CASK: variants seen among roughly 807,000 people sequenced by gnomAD.
The protein encoded by CASK is peripheral plasma membrane protein CASK.
CASK carries 4 observed loss-of-function variants against 82.9 expected under a neutral mutation model. The observed-to-expected ratio is 0.05, with a 90% confidence interval of 0.02 to 0.11. The LOEUF (loss-of-function observed/expected upper bound fraction) is 0.11, where lower values mean the gene tolerates loss of function less well. CASK is among the 10% of genes least tolerant of loss of function. The pLI is 1.00. For synonymous variants in CASK, 259 were observed against 253.5 expected (o/e 1.02, Z -0.20); for missense variants, 358 against 720.9 (o/e 0.50, Z 5.76).
chrX:41,696,207 T>C (rs1448647432), intron 5 of CASK: 2 of 1,205,741 alleles, frequency 1.7e-6, no homozygotes, highest in Non-Finnish European at 2.2e-6. Flanking sequence ...TATGATTATT[T>C]TAACACTTAA....
intron 5 of CASK, among the ~76,000 whole-genome samples, chrX:41,703,410 T>C (rs1406687186): frequency 8.9e-6 from 1 of 112,599 alleles, no homozygotes; most frequent in Non-Finnish European, 1.9e-5. Flanking sequence ...ACAACATACA[T>C]ATGCATAACA....
At chrX:41,873,469 G>A (rs1291864559) in intron 1 of CASK, among the ~76,000 whole-genome samples, 1 of 111,463 alleles carries the variant, frequency 9.0e-6, no homozygotes, top group Admixed American at 9.5e-5. Context: ...ATTCATTGCA[G>A]GGCTGTAGGT....
intron 2 of CASK, among the ~76,000 whole-genome samples, chrX:41,791,040 A>G (rs2069701817): frequency 1.8e-5 from 2 of 111,675 alleles, no homozygotes; most frequent in African/African-American, 3.3e-5. Flanking sequence ...GTACCTGGGA[A>G]TGACATGACC....
intron 11 of CASK, among the ~76,000 whole-genome samples, chrX:41,610,816 A>G (rs1278801545): frequency 9.0e-6 from 1 of 111,626 alleles, no homozygotes; most frequent in African/African-American, 3.3e-5. Flanking sequence ...TAACAAAGCC[A>G]TTTACACAGC....
chrX:41,564,717 C>G (rs1392331278), intron 16 of CASK, among the ~76,000 whole-genome samples: 1 of 111,890 alleles, frequency 8.9e-6, no homozygotes, highest in Non-Finnish European at 1.9e-5. Flanking sequence ...CTGAACTCAG[C>G]TCTGCAACAA....
intron 21 of CASK, among the ~76,000 whole-genome samples, chrX:41,550,527 T>C (rs2065081706): frequency 9.0e-6 from 1 of 111,314 alleles, no homozygotes; most frequent in African/African-American, 3.3e-5. Flanking sequence ...GTTCCTCTGG[T>C]TCTTTTTAAA....
At chrX:41,528,831 T>C (rs893255311) in intron 25 of CASK, among the ~76,000 whole-genome samples, 3 of 111,832 alleles carry the variant, frequency 2.7e-5, no homozygotes, top group African/African-American at 6.5e-5. Context: ...GAAGGCAGGA[T>C]GAAGGCCTTG....
chrX:41,781,079 T>A, intron 3 of CASK, among the ~76,000 whole-genome samples: 1 of 111,737 alleles, frequency 8.9e-6, no homozygotes, highest in Non-Finnish European at 1.9e-5. Context: ...TAGCTGGGAC[T>A]ACAGGTGTGT....
Position 41,852,682 on chromosome X carries a change from T to G in CASK, c.172+433A>C, listed in dbSNP as rs775072661. Among the ~76,000 whole-genome samples, 4 of 111,412 alleles carry G rather than the reference T, an allele frequency of 3.6e-5. No homozygotes were observed. In the East Asian group the frequency reaches 1.1e-3, roughly 31 times the overall value. ...TTAAGCCAAATGTGAGATATGAATCTTTTGATTCCACTAAATCATAATCCT... is the reference window on the plus strand; with the variant it reads ...TTAAGCCAAATGTGAGATATGAATCGTTTGATTCCACTAAATCATAATCCT... On this transcript the variant is annotated intron_variant, in intron 2 of 26. Coordinates refer to ENST00000378163, the MANE Select transcript of CASK (RefSeq NM_001367721.1).
chrX:41,649,688 T>C (rs2066829216), intron 8 of CASK, among the ~76,000 whole-genome samples: 1 of 111,894 alleles, frequency 8.9e-6, no homozygotes, highest in Admixed American at 9.5e-5. Context: ...TGGTCAATTT[T>C]GGAATGTGCA....
At chrX:41,843,649 A>C (rs2071092070) in intron 2 of CASK, among the ~76,000 whole-genome samples, 1 of 111,490 alleles carries the variant, frequency 9.0e-6, no homozygotes, top group Non-Finnish European at 1.9e-5. Context: ...ACATTTAATC[A>C]CTTCGAAAAG....
At chrX:41,861,875 AG>A (rs2071492173) in intron 1 of CASK, among the ~76,000 whole-genome samples, 1 of 102,598 alleles carries the variant, frequency 9.7e-6, no homozygotes, top group African/African-American at 3.5e-5. Flanking sequence ...ATATACATAC[AG>A]TATATATAGT....
chrX:41,883,059 T>C (rs2071981098), intron 1 of CASK, among the ~76,000 whole-genome samples: 1 of 112,027 alleles, frequency 8.9e-6, no homozygotes, highest in South Asian at 3.7e-4. Context: ...CAATTCACAG[T>C]GACTCTTAAA....
chrX:41,790,016 A>T (rs2069683047), intron 2 of CASK, among the ~76,000 whole-genome samples: 1 of 110,923 alleles, frequency 9.0e-6, no homozygotes, highest in African/African-American at 3.3e-5. Context: ...TGTAGCCTCC[A>T]CCTCCCAGGT....
chrX:41,857,454 A>T (rs2071393065), intron 1 of CASK, among the ~76,000 whole-genome samples: 1 of 111,761 alleles, frequency 8.9e-6, no homozygotes, highest in Admixed American at 9.5e-5. Context: ...TTTGGAAGAT[A>T]GAACCAAAAA....
chrX:41,707,888 G>A (rs1178510043), intron 5 of CASK, among the ~76,000 whole-genome samples: 2 of 111,603 alleles, frequency 1.8e-5, no homozygotes, highest in African/African-American at 6.5e-5. Flanking sequence ...GGGAGGCTGA[G>A]GTTGGTGGAT....
chrX:41,646,619 C>T (rs1363834913), intron 8 of CASK, among the ~76,000 whole-genome samples: 1 of 111,512 alleles, frequency 9.0e-6, no homozygotes, highest in African/African-American at 3.3e-5. Context: ...AAAACTATTT[C>T]GACTGTTGTT....
At chrX:41,557,154 G>T (rs2065169197) in intron 18 of CASK, 54 bp from the exon 19 acceptor site, 3 of 940,885 alleles carry the variant, frequency 3.2e-6, no homozygotes, top group Non-Finnish European at 4.6e-6. Context: ...GAAACACAGA[G>T]ATATTTACAT....
At chrX:41,852,135 A>G (rs1302593997) in intron 2 of CASK, among the ~76,000 whole-genome samples, 1 of 111,555 alleles carries the variant, frequency 9.0e-6, no homozygotes, top group Non-Finnish European at 1.9e-5. Flanking sequence ...GCAACTTCTA[A>G]GAATCTTCCA....
Sources: gnomAD v4.1 joint callset for allele counts (sites outside exome capture counted in the v4.1 genomes callset) on GRCh38, gnomAD v4.1.1 for gene constraint, MANE v1.5 for transcripts, NCBI Gene and HGNC (gene_info 2026-07-23, HGNC 2026-07-21) for gene names.